SMC5: variants seen among roughly 807,000 people sequenced by gnomAD.
SMC5 encodes structural maintenance of chromosomes 5.
SMC5 carries 88 observed loss-of-function variants against 148.3 expected under a neutral mutation model. That is an observed-to-expected ratio of 0.59 (90% confidence interval 0.50 to 0.71). The LOEUF (loss-of-function observed/expected upper bound fraction) is 0.71, where lower values mean the gene tolerates loss of function less well. Among genes scored for constraint, SMC5 ranks in the 30% least tolerant of loss-of-function variants. The pLI, the probability that SMC5 is intolerant of heterozygous loss-of-function variation, is 0.00. For synonymous variants in SMC5, 421 were observed against 432.8 expected (o/e 0.97, Z 0.34); for missense variants, 1,142 against 1,298.9 (o/e 0.88, Z 1.86).
chr9:70,348,219 G>C (rs189881713), intron 22 of SMC5, among the ~76,000 whole-genome samples, 181 bp downstream of exon 22: 2 of 151,954 alleles, frequency 1.3e-5, no homozygotes, highest in Non-Finnish European at 2.9e-5. Context: ...TTTTTGGGGG[G>C]GGTTATGTTT....
chr9:70,262,125 A>G (rs1216288511), intron 1 of SMC5, among the ~76,000 whole-genome samples: 1 of 152,186 alleles, frequency 6.6e-6, no homozygotes, highest in African/African-American at 2.4e-5. Flanking sequence ...TAAGATGGGT[A>G]GTTAGAGAAT....
At chr9:70,333,016 C>T (rs1181816594) in intron 17 of SMC5, among the ~76,000 whole-genome samples, 5 of 151,834 alleles carry the variant, frequency 3.3e-5, no homozygotes, top group South Asian at 4.2e-4. Flanking sequence ...CAACTGGGGA[C>T]GAGGAAAATG....
At chr9:70,342,751 T>A (rs112888846) in intron 17 of SMC5, among the ~76,000 whole-genome samples, 224 of 152,324 alleles carry the variant, frequency 1.5e-3, no homozygotes, top group African/African-American at 4.5e-3. Context: ...CCCTGTTGCA[T>A]GTGAAATTTT....
intron 8 of SMC5, among the ~76,000 whole-genome samples, chr9:70,297,393 C>G (rs2035229986): frequency 6.6e-6 from 1 of 152,144 alleles, no homozygotes; most frequent in Non-Finnish European, 1.5e-5. Context: ...AATACTTACT[C>G]ACACATAAAT....
chr9:70,322,030 T>C (rs576438707), intron 15 of SMC5, among the ~76,000 whole-genome samples: 74 of 152,368 alleles, frequency 4.9e-4, no homozygotes, highest in Non-Finnish European at 8.8e-4. Context: ...ATATCGTTTG[T>C]ATTTCTAAAC....
At chr9:70,323,880 A>G (rs2036010783) in intron 16 of SMC5, 141 bp from the exon 17 acceptor site, 10 of 873,168 alleles carry the variant, frequency 1.1e-5, no homozygotes, top group Non-Finnish European at 1.7e-5. Flanking sequence ...AATTGTTACA[A>G]GAACTGTTTG....
chr9:70,324,170 T>G (rs780184813), intron 17 of SMC5, 27 bp downstream of exon 17: 2 of 1,577,712 alleles, frequency 1.3e-6, no homozygotes, highest in Non-Finnish European at 1.7e-6. Flanking sequence ...TACTTTTTAT[T>G]TTGAGGTTCT....
chr9:70,264,213 TA>T, intron 1 of SMC5, 90 bp from the exon 2 acceptor site: 2 of 1,165,220 alleles, frequency 1.7e-6, no homozygotes, highest in Non-Finnish European at 1.2e-6. Flanking sequence ...AGCTAGTTTT[TA>T]AAGGAATTTG....
At chr9:70,350,754 C>CA (rs1363268603) in intron 24 of SMC5, among the ~76,000 whole-genome samples, 1 of 152,122 alleles carries the variant, frequency 6.6e-6, no homozygotes, top group Non-Finnish European at 1.5e-5. Context: ...GTGGGGAATA[C>CA]AACCCTTAAG....
chr9:70,299,697 G>T (rs780733082), intron 9 of SMC5, among the ~76,000 whole-genome samples: 55 of 150,466 alleles, frequency 3.7e-4, no homozygotes, highest in Non-Finnish European at 6.9e-4. Context: ...TACAATTCTA[G>T]AATGAAAATA....
chr9:70,262,325 TAAAAAGTAGAA>T (rs1564017506), intron 1 of SMC5, among the ~76,000 whole-genome samples: 1 of 152,038 alleles, frequency 6.6e-6, no homozygotes, highest in Non-Finnish European at 1.5e-5. Context: ...GGAAAGGAGA[TAAAAAGTAGAA>T]AAAGATGAAA....
At chr9:70,342,392 A>G (rs1003973925) in intron 17 of SMC5, among the ~76,000 whole-genome samples, 5 of 152,066 alleles carry the variant, frequency 3.3e-5, no homozygotes, top group South Asian at 4.2e-4. Flanking sequence ...AAGTGTAATA[A>G]TAATAAAATA....
Position 70,278,566 on chromosome 9 carries a change from G to A in SMC5, c.619G>A (p.Glu207Lys). ...CACTGAAAAGTCAATTGGTCCCCCAGAAATGCACAAATATCACTGTGAACT... is the reference window on the plus strand; with the variant it reads ...CACTGAAAAGTCAATTGGTCCCCCAAAAATGCACAAATATCACTGTGAACT... ...EATEKSIGPP[E>K]MHKYHCELKN... is the part of the protein sequence containing the mutation. Residue 207 changes from glutamate to lysine, a missense_variant, in exon 5 of 25, where the codon GAA becomes AAA. Physicochemically the swap from Glu to Lys is moderately conservative, Grantham distance 56. Coordinates refer to ENST00000361138, the MANE Select transcript of SMC5 (RefSeq NM_015110.4). The A allele has an allele frequency of 6.2e-7, 1 of 1,611,856 alleles. No individual in the cohort carries two copies. Among genetic ancestry groups the A allele is most frequent in the Non-Finnish European group, 8.5e-7 (1 of 1,179,204 alleles).
chr9:70,316,847 G>A (rs2035816214), intron 13 of SMC5, among the ~76,000 whole-genome samples: 1 of 151,966 alleles, frequency 6.6e-6, no homozygotes, highest in Non-Finnish European at 1.5e-5. Flanking sequence ...TAGAGAAATA[G>A]CTTTGGAATT....
intron 3 of SMC5, among the ~76,000 whole-genome samples, chr9:70,275,574 C>G (rs1300044893): frequency 2.0e-5 from 3 of 152,022 alleles, no homozygotes; most frequent in African/African-American, 7.2e-5. Flanking sequence ...TCATTGTTTT[C>G]TGATGTGAAT....
chr9:70,263,264 CA>C (rs2034188468), intron 1 of SMC5, among the ~76,000 whole-genome samples: 1 of 152,126 alleles, frequency 6.6e-6, no homozygotes, highest in African/African-American at 2.4e-5. Context: ...CAGAACAAAA[CA>C]GCTAAAAAGA....
chr9:70,298,034 T>A lies in SMC5; in HGVS notation c.1122T>A (p.Gly374=). 1 of 1,613,874 alleles carries A rather than the reference T, an allele frequency of 6.2e-7. No individual in the cohort carries two copies. Among genetic ancestry groups the A allele is most frequent in the Non-Finnish European group, 8.5e-7 (1 of 1,179,904 alleles). The change falls in exon 9 of 25, where the codon GGT becomes GGA. Residue 374 remains glycine, a synonymous_variant. Transcript: ENST00000361138. ...AGCTTGACCGACAGAGGAGAATAGGTAATACCCGCAAAATGATAGAGGATT... is the reference window on the plus strand; with the variant it reads ...AGCTTGACCGACAGAGGAGAATAGGAAATACCCGCAAAATGATAGAGGATT... ...NEELDRQRRI[G]NTRKMIEDLQ...
At chr9:70,263,186 T>C (rs2034185902) in intron 1 of SMC5, among the ~76,000 whole-genome samples, 1 of 152,216 alleles carries the variant, frequency 6.6e-6, no homozygotes, top group Non-Finnish European at 1.5e-5. Context: ...ATTTCCTACA[T>C]GTCTGAAGTT....
chr9:70,302,595 G>A (rs1418898066), intron 10 of SMC5, among the ~76,000 whole-genome samples: 2 of 151,944 alleles, frequency 1.3e-5, no homozygotes, highest in African/African-American at 2.4e-5. Flanking sequence ...GCTTGAACCC[G>A]GGATGTGGAG....
Sources: gnomAD v4.1 joint callset for allele counts (sites outside exome capture counted in the v4.1 genomes callset) on GRCh38, gnomAD v4.1.1 for gene constraint, MANE v1.5 for transcripts, NCBI Gene and HGNC (gene_info 2026-07-23, HGNC 2026-07-21) for gene names.